The following CFAP45 variants were observed in gnomAD, a reference collection of about 807,000 sequenced individuals.
The protein encoded by CFAP45 is cilia and flagella associated protein 45, also known as cilia- and flagella-associated protein 45.
In CFAP45, 43 loss-of-function variants were observed where a neutral mutation model predicts 75.6. The ratio of observed to expected loss-of-function variants is 0.57; its 90% CI spans 0.45 to 0.73. The LOEUF is 0.73. Ranked by LOEUF, CFAP45 falls within the 30% of genes least tolerant of loss-of-function variation. The probability of loss-of-function intolerance (pLI) is 0.00; values close to 1 mark genes in which losing one functional copy is unlikely to be tolerated. For missense variants in CFAP45, 689 were observed against 701.5 expected (o/e 0.98, Z 0.20); for synonymous variants, 223 against 244.6 (o/e 0.91, Z 0.82).
chr1:159,880,713 G>C lies in CFAP45; in HGVS notation c.898-13C>G. On this transcript the variant is annotated splice_polypyrimidine_tract_variant and intron_variant, in intron 7 of 11. Coordinates refer to ENST00000368099, the MANE Select transcript of CFAP45 (RefSeq NM_012337.3). ...TTCGTTCCATGTCCTGCCAGCAAAA[G>C]AAAGAGAGCCTCAGAGTACAAAGAG... 2 of 1,613,434 alleles carry C rather than the reference G, an allele frequency of 1.2e-6. No homozygotes were observed. The highest frequency in any genetic ancestry group is 1.7e-6 in the Non-Finnish European group (2 of 1,179,654).
chr1:159,893,512 C>CA (rs924663407), intron 1 of CFAP45, among the ~76,000 whole-genome samples: 18 of 150,984 alleles, frequency 1.2e-4, no homozygotes, highest in African/African-American at 3.2e-4. Context: ...AGGGTCTCTG[C>CA]AAAAAAAAGA....
At chr1:159,890,732 A>AT in intron 2 of CFAP45, 110 bp from the exon 3 acceptor site, 3 of 662,542 alleles carry the variant, frequency 4.5e-6, no homozygotes, top group Non-Finnish European at 7.6e-6. Flanking sequence ...GCATGGCTGG[A>AT]TGTGTACCGA....
chr1:159,893,915 A>G (rs1288831037), intron 1 of CFAP45, among the ~76,000 whole-genome samples: 2 of 151,348 alleles, frequency 1.3e-5, no homozygotes, highest in South Asian at 4.2e-4. Flanking sequence ...ATAAATATAC[A>G]TGTATACAAT....
intron 7 of CFAP45, among the ~76,000 whole-genome samples, chr1:159,883,646 A>G (rs1218754714): frequency 6.7e-6 from 1 of 149,374 alleles, no homozygotes; most frequent in African/African-American, 2.4e-5. Flanking sequence ...ATATATATAT[A>G]TATATATACA....
intron 6 of CFAP45, among the ~76,000 whole-genome samples, chr1:159,885,444 T>A (rs891835763): frequency 6.6e-6 from 1 of 152,118 alleles, no homozygotes; most frequent in African/African-American, 2.4e-5. Flanking sequence ...CAGGATACAG[T>A]TGGGGAGATA....
chr1:159,884,261 C>T (rs1388830501), intron 7 of CFAP45, among the ~76,000 whole-genome samples, 175 bp downstream of exon 7: 4 of 152,150 alleles, frequency 2.6e-5, no homozygotes, highest in Admixed American at 1.3e-4. Flanking sequence ...CATCCCGCAG[C>T]GTGACACCAT....
In CFAP45 at chr1:159,888,327, G is replaced by C. The variant is rs538012571; in HGVS notation, c.417+25C>G. Reference sequence around the variant, plus strand: ...TTGATTCTGCCACCCATCTGCAGAGGTGAAGGCTTAGGGAGGTTAACTACC... The same window carrying C: ...TTGATTCTGCCACCCATCTGCAGAGCTGAAGGCTTAGGGAGGTTAACTACC... On this transcript the variant is annotated intron_variant, in intron 4 of 11. Coordinates refer to ENST00000368099, the MANE Select transcript of CFAP45 (RefSeq NM_012337.3). 6.2e-6 allele frequency: 10 copies of C among 1,612,218 alleles called. No homozygotes were observed. In the African/African-American group the frequency reaches 1.2e-4, roughly 19 times the overall value.
intron 9 of CFAP45, 132 bp downstream of exon 9, chr1:159,877,217 G>T: frequency 1.3e-6 from 1 of 755,782 alleles, no homozygotes; most frequent in Non-Finnish European, 2.4e-6. Flanking sequence ...TTCCTTCTCA[G>T]ACTACTGAAG....
intron 2 of CFAP45, among the ~76,000 whole-genome samples, 160 bp from the exon 3 acceptor site, chr1:159,890,782 A>G (rs1315089205): frequency 1.6e-5 from 2 of 127,578 alleles, no homozygotes; most frequent in African/African-American, 5.9e-5. Context: ...TTTTTGAGAC[A>G]GAGTCTTGCT....
intron 1 of CFAP45, among the ~76,000 whole-genome samples, chr1:159,899,022 C>T (rs1650011780): frequency 6.6e-6 from 1 of 152,214 alleles, no homozygotes; most frequent in Non-Finnish European, 1.5e-5. Context: ...CAACCTTTGC[C>T]ACCTGTTGTG....
Position 159,873,295 on chromosome 1 carries a change from CCAGCCCCATTTTGTAACTCAAGGAT to C in CFAP45, c.1353-152_1353-128del. 3 of 711,488 alleles carry C rather than the reference CCAGCCCCATTTTGTAACTCAAGGAT, an allele frequency of 4.2e-6. No homozygotes were observed. The South Asian group carries it at 5.5e-5, about 13-fold the overall frequency. 44.1% of individuals were successfully genotyped at this position (711,488 alleles called of 1,614,324 possible). On this transcript the variant is annotated intron_variant, in intron 10 of 11. Coordinates refer to ENST00000368099, the MANE Select transcript of CFAP45 (RefSeq NM_012337.3). ...CTCAGAGACCACAGCCCTCTGGGCT[CCAGCCCCATTTTGTAACTCAAGGAT>C]CAGCCCCCAAAAGCTGCTGCACATG...
intron 9 of CFAP45, among the ~76,000 whole-genome samples, 199 bp from the exon 10 acceptor site, chr1:159,876,948 GGTCATCTT>G (rs1649419114): frequency 6.6e-6 from 1 of 152,086 alleles, no homozygotes; most frequent in Non-Finnish European, 1.5e-5. Flanking sequence ...TAACCTGAGG[GGTCATCTT>G]GTCCTTCCAA....
At chr1:159,885,558 C>T (rs907137764) in intron 6 of CFAP45, among the ~76,000 whole-genome samples, 1 of 152,196 alleles carries the variant, frequency 6.6e-6, no homozygotes, top group Non-Finnish European at 1.5e-5. Context: ...AATTTACTTG[C>T]TCTGGGACTT....
intron 8 of CFAP45, among the ~76,000 whole-genome samples, chr1:159,878,081 T>C (rs948949746): frequency 5.3e-5 from 8 of 152,200 alleles, no homozygotes; most frequent in Non-Finnish European, 7.3e-5. Context: ...TTGCCCAAGA[T>C]TGCACAGGAA....
chr1:159,893,300 T>C lies in CFAP45; in HGVS notation c.9A>G (p.Leu3=). 1 of 1,613,014 alleles carries C rather than the reference T, an allele frequency of 6.2e-7. No individual in the cohort carries two copies. Among genetic ancestry groups the C allele is most frequent in the Non-Finnish European group, 8.5e-7 (1 of 1,179,828 alleles). Residue 3 remains leucine, a synonymous_variant, in exon 2 of 12, where the codon CTA becomes CTG. Coordinates refer to ENST00000368099, the MANE Select transcript of CFAP45 (RefSeq NM_012337.3). The part of the protein sequence containing the change: MP[L]STAGILSSSS... ...AGGAGCTCAGGATGCCAGCTGTGCTTAGTGGCTGCAGGAAGAGGCAGAAAG... is the reference window on the plus strand; with the variant it reads ...AGGAGCTCAGGATGCCAGCTGTGCTCAGTGGCTGCAGGAAGAGGCAGAAAG...
intron 6 of CFAP45, among the ~76,000 whole-genome samples, chr1:159,885,051 T>A (rs1649643528): frequency 6.6e-6 from 1 of 152,112 alleles, no homozygotes; most frequent in African/African-American, 2.4e-5. Context: ...ATAGACCCCA[T>A]GACATATGAG....
At position 159,876,519 on chromosome 1, in the gene CFAP45, C is replaced by A; in HGVS notation, c.1352+37G>T. On this transcript the variant is annotated intron_variant, in intron 10 of 11. Coordinates refer to ENST00000368099, the MANE Select transcript of CFAP45 (RefSeq NM_012337.3). ...AATATGGACCATCCCTGCTACAGTA[C>A]AAGGAAAGGAATCCAAGGTTCCCAG... 2.1e-6 allele frequency: 3 copies of A among 1,458,406 alleles called. No individual in the cohort carries two copies. The African/African-American group carries it at 4.2e-5, about 20-fold the overall frequency. 90.3% of individuals were successfully genotyped at this position (1,458,406 alleles called of 1,614,324 possible). A position where few individuals can be genotyped will look rare whatever the true frequency, so the allele number is the denominator to read the frequency against.
At chr1:159,878,555 C>G (rs1201439531) in intron 8 of CFAP45, among the ~76,000 whole-genome samples, 1 of 151,468 alleles carries the variant, frequency 6.6e-6, no homozygotes, top group Admixed American at 6.6e-5. Flanking sequence ...GAGATCAAAC[C>G]AATCCAGGCC....
intron 1 of CFAP45, among the ~76,000 whole-genome samples, chr1:159,897,864 A>G (rs1248222309): frequency 6.6e-6 from 1 of 152,246 alleles, no homozygotes; most frequent in African/African-American, 2.4e-5. Context: ...GACCTAAAAA[A>G]GAAAACAAAC....
Sources: allele counts gnomAD v4.1 joint callset (sites outside exome capture counted in the v4.1 genomes callset), GRCh38; gene constraint gnomAD v4.1.1; transcripts MANE v1.5; gene names NCBI Gene and HGNC (gene_info 2026-07-23, HGNC 2026-07-21).